The following SIDT1 variants were observed in gnomAD, a reference collection of about 807,000 sequenced individuals.
The protein encoded by SIDT1 is SID1 transmembrane family member 1.
SIDT1 carries 101 observed loss-of-function variants against 107.5 expected under a neutral mutation model. The ratio of observed to expected loss-of-function variants is 0.94; its 90% confidence interval spans 0.80 to 1.11. SIDT1 has a LOEUF of 1.11. Among genes scored for constraint, SIDT1 ranks in the 50% least tolerant of loss-of-function variants. SIDT1 has a pLI of 0.00. For synonymous variants in SIDT1, 395 were observed against 398.2 expected (o/e 0.99, Z 0.10); for missense variants, 1,076 against 1,058.2 (o/e 1.02, Z -0.23).
intron 20 of SIDT1, among the ~76,000 whole-genome samples, chr3:113,617,759 A>C (rs1464147610): frequency 7.2e-5 from 11 of 152,102 alleles, no homozygotes; most frequent in Admixed American, 7.2e-4. Flanking sequence ...TTTTTAATAG[A>C]CTTTATATTT....
chr3:113,585,318 T>A, intron 9 of SIDT1, 48 bp downstream of exon 9: 1 of 1,370,594 alleles, frequency 7.3e-7, no homozygotes, highest in Non-Finnish European at 1.0e-6. Context: ...CCTGTCTCTG[T>A]GTAACGCTTG....
chr3:113,567,126 C>A lies in SIDT1; in HGVS notation c.345-414C>A, dbSNP rs530944950. 2.6e-5 allele frequency among the ~76,000 whole-genome samples: 4 copies of A among 152,300 alleles called. No homozygotes were observed. In the South Asian group the frequency reaches 8.3e-4, roughly 32 times the overall value. On this transcript the variant is annotated intron_variant, in intron 2 of 24. Transcript: ENST00000264852. The stretch of plus-strand genomic sequence containing the variant: ...GTTGAAGAACTCGAGGACTGAAATA[C>A]TAACTCTGTTAGCTTTGACTTGGAC...
At chr3:113,615,954 T>C (rs1232971538) in intron 19 of SIDT1, 146 bp from the exon 20 acceptor site, 3 of 694,210 alleles carry the variant, frequency 4.3e-6, no homozygotes, top group Non-Finnish European at 7.9e-6. Context: ...CAAATACTTA[T>C]TGCGCACCTA....
At chr3:113,559,094 G>T (rs1188416672) in intron 1 of SIDT1, among the ~76,000 whole-genome samples, 1 of 151,972 alleles carries the variant, frequency 6.6e-6, no homozygotes, top group Non-Finnish European at 1.5e-5. Flanking sequence ...ATTTAATTTG[G>T]TTGTCATTCA....
At chr3:113,548,661 A>T (rs1939867057) in intron 1 of SIDT1, among the ~76,000 whole-genome samples, 1 of 152,100 alleles carries the variant, frequency 6.6e-6, no homozygotes, top group African/African-American at 2.4e-5. Flanking sequence ...GGAAAGTAAG[A>T]TTCTCATCAT....
At chr3:113,629,859 G>C (rs1947069989), downstream of SIDT1, among the ~76,000 whole-genome samples, 1 of 152,214 alleles carries the variant, frequency 6.6e-6, no homozygotes, top group South Asian at 2.1e-4. Flanking sequence ...GGTCAGTTTT[G>C]TTCCTGCAAC....
chr3:113,541,587 A>G (rs1390570610), intron 1 of SIDT1, among the ~76,000 whole-genome samples: 1 of 152,240 alleles, frequency 6.6e-6, no homozygotes, highest in African/African-American at 2.4e-5. Context: ...CAGTTTTTAC[A>G]ATTAAAAGTA....
intron 1 of SIDT1, among the ~76,000 whole-genome samples, chr3:113,544,259 C>T (rs375075304): frequency 6.6e-6 from 1 of 151,968 alleles, no homozygotes; most frequent in African/African-American, 2.4e-5. Flanking sequence ...GGCATGATCT[C>T]GGCTCACTGC....
chr3:113,577,956 T>C (rs1436222783), intron 4 of SIDT1, among the ~76,000 whole-genome samples: 2 of 152,216 alleles, frequency 1.3e-5, no homozygotes, highest in East Asian at 3.9e-4. Context: ...AAGTGACTAA[T>C]GCACAATCAG....
At chr3:113,609,958 GTTTGT>G (rs1945621444) in intron 17 of SIDT1, among the ~76,000 whole-genome samples, 1 of 151,972 alleles carries the variant, frequency 6.6e-6, no homozygotes. Context: ...TACCTTCCCG[GTTTGT>G]TTTTATAATT....
chr3:113,545,158 T>C (rs1380354756), intron 1 of SIDT1, among the ~76,000 whole-genome samples: 1 of 124,862 alleles, frequency 8.0e-6, no homozygotes, highest in Non-Finnish European at 1.7e-5. Context: ...CGTGAAGTAA[T>C]AATACTTGAT....
chr3:113,598,616 C>T (rs933815818), intron 10 of SIDT1, among the ~76,000 whole-genome samples: 4 of 152,170 alleles, frequency 2.6e-5, no homozygotes, highest in Non-Finnish European at 5.9e-5. Flanking sequence ...ACTATCCATC[C>T]ACTATCTGAG....
chr3:113,540,398 C>T (rs543797197), intron 1 of SIDT1, among the ~76,000 whole-genome samples: 1 of 152,272 alleles, frequency 6.6e-6, no homozygotes, highest in South Asian at 2.1e-4. Context: ...CCCAAAGAAA[C>T]ACACAACCAT....
chr3:113,611,237 C>A, intron 18 of SIDT1, 93 bp downstream of exon 18: 1 of 1,428,170 alleles, frequency 7.0e-7, no homozygotes, highest in Non-Finnish European at 9.5e-7. Flanking sequence ...TTTGGATTAA[C>A]CAAAATCCTC....
At chr3:113,542,254 G>T (rs1938997455) in intron 1 of SIDT1, among the ~76,000 whole-genome samples, 1 of 152,052 alleles carries the variant, frequency 6.6e-6, no homozygotes, top group Non-Finnish European at 1.5e-5. Flanking sequence ...GGTATGTGAT[G>T]TAACTTTTGA....
intron 1 of SIDT1, among the ~76,000 whole-genome samples, chr3:113,537,909 A>G (rs1459031873): frequency 1.3e-5 from 2 of 152,068 alleles, no homozygotes; most frequent in Non-Finnish European, 2.9e-5. Flanking sequence ...CAGCCTTGCT[A>G]GTAGCTGGGA....
intron 1 of SIDT1, among the ~76,000 whole-genome samples, chr3:113,552,774 G>T (rs1238408800): frequency 6.6e-6 from 1 of 152,134 alleles, no homozygotes; most frequent in East Asian, 1.9e-4. Flanking sequence ...ACAATTGAAT[G>T]TACCAAATGG....
At chr3:113,535,728 G>A (rs1559997132) in intron 1 of SIDT1, among the ~76,000 whole-genome samples, 1 of 152,122 alleles carries the variant, frequency 6.6e-6, no homozygotes, top group Non-Finnish European at 1.5e-5. Flanking sequence ...CTCAATATAA[G>A]CCAAATGTCC....
chr3:113,581,559 C>A, intron 6 of SIDT1, 115 bp downstream of exon 6: 1 of 823,376 alleles, frequency 1.2e-6, no homozygotes, highest in Non-Finnish European at 2.0e-6. Context: ...GGATCTCCTT[C>A]CTTTCTGATT....
Sources: allele counts gnomAD v4.1 joint callset (sites outside exome capture counted in the v4.1 genomes callset), GRCh38; gene constraint gnomAD v4.1.1; transcripts MANE v1.5; gene names NCBI Gene and HGNC (gene_info 2026-07-23, HGNC 2026-07-21).